The following ROBO1 variants were observed in gnomAD, a reference collection of about 807,000 sequenced individuals.
ROBO1 encodes roundabout guidance receptor 1, also known as roundabout homolog 1.
A neutral mutation model predicts 195.9 loss-of-function variants in ROBO1; 149 were observed. The observed-to-expected ratio is 0.76, with a 90% CI of 0.67 to 0.87. ROBO1 has a LOEUF of 0.87. ROBO1 is among the 40% of genes least tolerant of loss of function. The probability of loss-of-function intolerance (pLI) is 0.00; values close to 1 mark genes in which losing one functional copy is unlikely to be tolerated. For synonymous variants in ROBO1, 816 were observed against 733.2 expected (o/e 1.11, Z -1.82); for missense variants, 1,933 against 2,068.3 (o/e 0.93, Z 1.27).
chr3:79,368,199 T>C (rs1489851), intron 2 of ROBO1, among the ~76,000 whole-genome samples: 152,261 of 152,262 alleles, frequency 1, 76,130 homozygotes, highest in Middle Eastern at 1. Flanking sequence ...TCCCAAAGTG[T>C]TGGGATTACA....
In ROBO1 at chr3:79,314,043, A is replaced by G. The variant is rs550880286; in HGVS notation, c.89-188504T>C. ...CTAAAATTAGGATGAGATATATCCT[A>G]AAGTTCAGGTTTTAGACTGACACTA... On this transcript the variant is annotated intron_variant, in intron 2 of 30. Transcript: ENST00000464233. 6.6e-5 allele frequency among the ~76,000 whole-genome samples: 10 copies of G among 152,248 alleles called. No homozygotes were observed. In the South Asian group the frequency reaches 2.1e-3, roughly 32 times the overall value.
chr3:79,480,248 T>G (rs1047187853), intron 2 of ROBO1, among the ~76,000 whole-genome samples: 1 of 152,346 alleles, frequency 6.6e-6, no homozygotes, highest in Admixed American at 6.5e-5. Context: ...TATTTTGATA[T>G]AATTGGGCAC....
intron 4 of ROBO1, among the ~76,000 whole-genome samples, chr3:78,787,926 CTTTTTTTTTTTTT>C (rs71127358): frequency 1.7e-4 from 12 of 71,672 alleles, no homozygotes; most frequent in Non-Finnish European, 2.1e-4. Context: ...GACCCCTTCT[CTTTTTTTTTTTTT>C]TTTTTTTTTT....
At chr3:79,008,879 G>A (rs2077695151) in intron 3 of ROBO1, among the ~76,000 whole-genome samples, 1 of 138,402 alleles carries the variant, frequency 7.2e-6, no homozygotes, top group African/African-American at 2.7e-5. Context: ...ATGAGCCACT[G>A]CACCCAGCCG....
intron 3 of ROBO1, among the ~76,000 whole-genome samples, chr3:79,120,535 A>G (rs113080905): frequency 5.3e-5 from 8 of 152,248 alleles, no homozygotes; most frequent in African/African-American, 1.9e-4. Context: ...ATTAGTGAAG[A>G]AACCAGGAAA....
chr3:78,988,847 G>A (rs2077171632), intron 3 of ROBO1, among the ~76,000 whole-genome samples: 1 of 152,142 alleles, frequency 6.6e-6, no homozygotes, highest in Admixed American at 6.5e-5. Context: ...AAAGACACTG[G>A]TATGGAAAGA....
intron 1 of ROBO1, among the ~76,000 whole-genome samples, chr3:79,632,111 C>T (rs1387346129): frequency 1.3e-5 from 2 of 152,076 alleles, no homozygotes; most frequent in Non-Finnish European, 2.9e-5. Context: ...CCATTCGACC[C>T]AGAAGTCCCA....
At chr3:79,371,467 G>A (rs1231293646) in intron 2 of ROBO1, among the ~76,000 whole-genome samples, 1 of 152,104 alleles carries the variant, frequency 6.6e-6, no homozygotes, top group African/African-American at 2.4e-5. Flanking sequence ...CGTAGTAGAT[G>A]GAAAGTGATG....
chr3:79,254,053 C>A (rs2082781739), intron 2 of ROBO1, among the ~76,000 whole-genome samples: 1 of 152,118 alleles, frequency 6.6e-6, no homozygotes, highest in Non-Finnish European at 1.5e-5. Flanking sequence ...TATTTATTTT[C>A]TTGAAATGCT....
intron 4 of ROBO1, among the ~76,000 whole-genome samples, chr3:78,926,282 A>T (rs2039216835): frequency 6.6e-6 from 1 of 152,224 alleles, no homozygotes; most frequent in Admixed American, 6.5e-5. Flanking sequence ...GAAGCAATTG[A>T]GAATCTCTGA....
intron 3 of ROBO1, among the ~76,000 whole-genome samples, chr3:79,117,140 G>A (rs185889319): frequency 1.3e-5 from 2 of 152,116 alleles, no homozygotes; most frequent in African/African-American, 4.8e-5. Flanking sequence ...GCCAAGGTGG[G>A]CGGATTGCCC....
At chr3:78,769,162 T>G (rs2083304474) in intron 4 of ROBO1, among the ~76,000 whole-genome samples, 1 of 152,124 alleles carries the variant, frequency 6.6e-6, no homozygotes, top group Non-Finnish European at 1.5e-5. Flanking sequence ...AGTGGAGTAT[T>G]GAAGTCCACC....
intron 3 of ROBO1, among the ~76,000 whole-genome samples, chr3:79,096,775 A>G (rs2079578141): frequency 6.6e-6 from 1 of 150,880 alleles, no homozygotes; most frequent in African/African-American, 2.4e-5. Context: ...TATATGTCCA[A>G]AGAAGTTGGA....
intron 3 of ROBO1, among the ~76,000 whole-genome samples, chr3:79,112,777 G>C (rs372246880): frequency 2.6e-4 from 39 of 149,536 alleles, no homozygotes; most frequent in Non-Finnish European, 4.2e-4. Context: ...GTGCGGGGAG[G>C]GGGGAGGGAT....
chr3:78,880,473 C>T (rs2036115490), intron 4 of ROBO1, among the ~76,000 whole-genome samples: 1 of 150,728 alleles, frequency 6.6e-6, no homozygotes, highest in South Asian at 2.1e-4. Context: ...CCACAAGGCA[C>T]AAAGTTAAAA....
chr3:79,724,837 T>C (rs1702849449), intron 1 of ROBO1, among the ~76,000 whole-genome samples: 1 of 152,192 alleles, frequency 6.6e-6, no homozygotes, highest in African/African-American at 2.4e-5. Context: ...CAATACATAA[T>C]ACACTTTTTA....
intron 1 of ROBO1, among the ~76,000 whole-genome samples, chr3:79,619,273 C>T (rs1238100385): frequency 6.6e-6 from 1 of 152,180 alleles, no homozygotes; most frequent in Non-Finnish European, 1.5e-5. Context: ...ACCCCCTTCT[C>T]TGTGTCTCTA....
In ROBO1 at chr3:79,477,292, A is replaced by G. The variant is rs146312680; in HGVS notation, c.88+112532T>C. Among the ~76,000 whole-genome samples the G allele has an allele frequency of 2.0e-5, 3 of 152,254 alleles. No homozygotes were observed. In the East Asian group the frequency reaches 5.8e-4, roughly 29 times the overall value. ...TTGAGGATCTGTGGATTCCAGGTAA[A>G]TCACCCTGAACAGCTTAAAATGGAC... On this transcript the variant is annotated intron_variant, in intron 2 of 30. Transcript: ENST00000464233.
chr3:78,727,998 C>A (rs2082204103), intron 5 of ROBO1, among the ~76,000 whole-genome samples: 1 of 151,916 alleles, frequency 6.6e-6, no homozygotes, highest in Admixed American at 6.5e-5. Flanking sequence ...AATATCAAAG[C>A]AAATATTTTA....
Sources: allele counts gnomAD v4.1 joint callset (sites outside exome capture counted in the v4.1 genomes callset), GRCh38; gene constraint gnomAD v4.1.1; transcripts MANE v1.5; gene names NCBI Gene and HGNC (gene_info 2026-07-23, HGNC 2026-07-21).